SULT2A1: variants seen among roughly 807,000 people sequenced by gnomAD.
The protein encoded by SULT2A1 is sulfotransferase 2A1.
A neutral mutation model predicts 33.9 loss-of-function variants in SULT2A1; 43 were observed. That is an observed-to-expected ratio of 1.27 (90% CI 1.00 to 1.64). The LOEUF (loss-of-function observed/expected upper bound fraction) is 1.64. Ranked by LOEUF, SULT2A1 falls within the 40% of genes most tolerant of loss-of-function variation. SULT2A1 has a pLI of 0.00. For synonymous variants in SULT2A1, 125 were observed against 113.6 expected, an observed-to-expected ratio of 1.10 and a Z score of -0.64; for missense variants, 300 against 335.1, an observed-to-expected ratio of 0.90 and a Z score of 0.82.
intron 3 of SULT2A1, among the ~76,000 whole-genome samples, chr19:47,879,869 T>TATAC (rs1968585199): frequency 6.6e-6 from 1 of 151,680 alleles, no homozygotes. Flanking sequence ...ATAGCACATG[T>TATAC]ATACATATGT....
At chr19:47,871,981 G>C (rs1297239016) in intron 5 of SULT2A1, among the ~76,000 whole-genome samples, 1 of 151,520 alleles carries the variant, frequency 6.6e-6, no homozygotes, top group Non-Finnish European at 1.5e-5. Context: ...GCAGTAGCGC[G>C]ATCTTGGCTC....
chr19:47,872,386 C>A (rs924910917), intron 5 of SULT2A1, among the ~76,000 whole-genome samples: 90 of 152,132 alleles, frequency 5.9e-4, no homozygotes, highest in African/African-American at 2.1e-3. Context: ...GCCCCTGTGG[C>A]TTCTCTGAGC....
At chr19:47,882,009 A>C in intron 3 of SULT2A1, 75 bp downstream of exon 3, 7 of 1,580,896 alleles carry the variant, frequency 4.4e-6, no homozygotes, top group South Asian at 2.3e-5. Flanking sequence ...GGTGAGATGT[A>C]GAGATGTGAG....
At chr19:47,876,340 A>G (rs1033757619) in intron 4 of SULT2A1, among the ~76,000 whole-genome samples, 1 of 152,128 alleles carries the variant, frequency 6.6e-6, no homozygotes, top group African/African-American at 2.4e-5. Context: ...TTGTAACCAG[A>G]AGGACTTTGC....
At chr19:47,871,880 G>C (rs1315924421) in intron 5 of SULT2A1, among the ~76,000 whole-genome samples, 2 of 151,778 alleles carry the variant, frequency 1.3e-5, no homozygotes, top group African/African-American at 4.8e-5. Flanking sequence ...TTTTCACCTG[G>C]ATTATTAGAG....
rs1968577220 is a variant in SULT2A1 at position 47,879,097 on chromosome 19, C to T, written c.506G>A (p.Gly169Asp). Residue 169 changes from glycine (G) to aspartate (D), a missense_variant, in exon 4 of 6, where the codon GGC (glycine) becomes GAC (aspartate). Physicochemically the swap from Gly to Asp is moderately conservative, Grantham distance 94. Transcript: ENST00000222002. Reference protein sequence around the residue: ...LYGSWFDHIHGWMPMREEKNF... With the variant: ...LYGSWFDHIHDWMPMREEKNF... ...TTTCTCCTCTCTCATGGGCATCCAG[C>T]CATGAATGTGGTCAAACCATGACCC... The T allele has an allele frequency of 6.2e-7, 1 of 1,613,720 alleles. No individual in the cohort carries two copies. The highest frequency in any genetic ancestry group is 1.3e-5 in the African/African-American group (1 of 74,890).
chr19:47,878,996 G>T (rs753290848), intron 4 of SULT2A1, 40 bp downstream of exon 4: 2 of 1,222,216 alleles, frequency 1.6e-6, no homozygotes, highest in Non-Finnish European at 1.2e-6. Context: ...AAGGATGGTG[G>T]TGAGAGGGTG....
intron 5 of SULT2A1, among the ~76,000 whole-genome samples, chr19:47,872,351 C>T (rs375818887): frequency 2.6e-5 from 4 of 152,140 alleles, no homozygotes; most frequent in Non-Finnish European, 2.9e-5. Flanking sequence ...GTGCTGGAGG[C>T]GCTTACAGGG....
chr19:47,883,021 C>T (rs962411316), intron 2 of SULT2A1, among the ~76,000 whole-genome samples: 1 of 152,072 alleles, frequency 6.6e-6, no homozygotes, highest in African/African-American at 2.4e-5. Flanking sequence ...TGCCTTGTCC[C>T]TCTTGTGATC....
intron 3 of SULT2A1, among the ~76,000 whole-genome samples, chr19:47,880,191 C>T (rs897206842): frequency 2.9e-4 from 40 of 139,428 alleles, no homozygotes; most frequent in African/African-American, 9.1e-4. Context: ...GAGCTGAGAT[C>T]GCGCCACTGC....
At chr19:47,871,769 C>T (rs748448218) in intron 5 of SULT2A1, among the ~76,000 whole-genome samples, 1 of 152,112 alleles carries the variant, frequency 6.6e-6, no homozygotes, top group African/African-American at 2.4e-5. Context: ...ATCCTGTGTA[C>T]AATTCCTCAG....
intron 4 of SULT2A1, among the ~76,000 whole-genome samples, chr19:47,875,124 T>C (rs1409592740): frequency 4.0e-5 from 5 of 124,438 alleles, no homozygotes; most frequent in African/African-American, 1.6e-4. Context: ...ATCACGCCAC[T>C]GCACTCCAGC....
chr19:47,877,102 A>C (rs561913892), intron 4 of SULT2A1, among the ~76,000 whole-genome samples: 4 of 148,238 alleles, frequency 2.7e-5, no homozygotes, highest in African/African-American at 9.9e-5. Flanking sequence ...AAAGAAATTC[A>C]TGCCCAGACC....
intron 5 of SULT2A1, among the ~76,000 whole-genome samples, chr19:47,872,833 A>G (rs1314003371): frequency 1.3e-5 from 2 of 148,622 alleles, no homozygotes; most frequent in African/African-American, 2.5e-5. Flanking sequence ...ATCTCGGCTC[A>G]CTGCAACCTC....
chr19:47,871,348 T>C lies in SULT2A1; in HGVS notation c.*107A>G, dbSNP rs1283810412. 1.2e-5 allele frequency: 10 copies of C among 861,186 alleles called. No individual in the cohort carries two copies. In the South Asian group the frequency reaches 1.3e-4, roughly 11 times the overall value. 53.3% of individuals were successfully genotyped at this position (861,186 alleles called of 1,614,324 possible). ...AGATGCAGAGGTTTGATATTTAAGG[T>C]TTCAGGATAAAATAATAAGTCTTAC... On this transcript the variant is annotated 3_prime_UTR_variant, in exon 6 of 6. Transcript: ENST00000222002.
rs773045597 is a variant in SULT2A1 at position 47,884,413 on chromosome 19, C to CA, written c.137-629dup. Among the ~76,000 whole-genome samples, 4 of 150,962 alleles carry CA rather than the reference C, an allele frequency of 2.6e-5. No homozygotes were observed. The East Asian group carries it at 7.9e-4, about 30-fold the overall frequency. On this transcript the variant is annotated intron_variant, in intron 1 of 5. Transcript: ENST00000222002. ...CAGGATGGTCTCGATCTCCTGACCT[C>CA]ATGATCTGCCTGCCTCGGCCTCCCC... is the stretch of plus-strand genomic sequence containing the variant.
chr19:47,872,094 T>A (rs1462420108), intron 5 of SULT2A1, among the ~76,000 whole-genome samples: 1 of 152,138 alleles, frequency 6.6e-6, no homozygotes, highest in Non-Finnish European at 1.5e-5. Flanking sequence ...ATTTTTGTAT[T>A]TTTAGTAGAG....
At chr19:47,872,109 G>T (rs1168278144) in intron 5 of SULT2A1, among the ~76,000 whole-genome samples, 1 of 151,976 alleles carries the variant, frequency 6.6e-6, no homozygotes, top group Non-Finnish European at 1.5e-5. Flanking sequence ...GTAGAGATGG[G>T]GTTTTGCCAT....
chr19:47,871,674 G>A, intron 5 of SULT2A1, 107 bp from the exon 6 acceptor site: 1 of 746,202 alleles, frequency 1.3e-6, no homozygotes, highest in South Asian at 1.6e-5. Context: ...ATGGCCGATG[G>A]TTCGTGGTGG....
Sources: gnomAD v4.1 joint callset for allele counts (sites outside exome capture counted in the v4.1 genomes callset) on GRCh38, gnomAD v4.1.1 for gene constraint, MANE v1.5 for transcripts, NCBI Gene and HGNC (gene_info 2026-07-23, HGNC 2026-07-21) for gene names.